The following MAPKAP1 variants were observed in gnomAD, a reference collection of about 807,000 sequenced individuals.
The protein encoded by MAPKAP1 is target of rapamycin complex 2 subunit MAPKAP1.
Under a neutral mutation model 65.7 loss-of-function variants are expected in MAPKAP1, and 20 were observed. The observed-to-expected ratio is 0.30, with a 90% CI of 0.21 to 0.44. The LOEUF is 0.44. Ranked by LOEUF, MAPKAP1 falls within the 20% of genes least tolerant of loss-of-function variation. The pLI is 1.00. For missense variants in MAPKAP1, 423 were observed against 648.0 expected (o/e 0.65, Z 3.77); for synonymous variants, 222 against 244.3 (o/e 0.91, Z 0.85).
chr9:125,553,439 G>C (rs1184233508), intron 6 of MAPKAP1, among the ~76,000 whole-genome samples: 1 of 152,116 alleles, frequency 6.6e-6, no homozygotes, highest in African/African-American at 2.4e-5. Flanking sequence ...CTACTCGGGA[G>C]GCTGAGGCAG....
intron 4 of MAPKAP1, among the ~76,000 whole-genome samples, chr9:125,646,768 CCA>C (rs1219953204): frequency 3.3e-5 from 5 of 152,172 alleles, no homozygotes; most frequent in Admixed American, 1.3e-4. Context: ...GTCAGCAAAA[CCA>C]CAGTTTTAGA....
intron 6 of MAPKAP1, among the ~76,000 whole-genome samples, chr9:125,546,040 C>T (rs1457532416): frequency 6.6e-6 from 1 of 152,224 alleles, no homozygotes; most frequent in Non-Finnish European, 1.5e-5. Flanking sequence ...GTGAACCACC[C>T]GTGAATGTTA....
chr9:125,681,291 C>T (rs1338168554), intron 1 of MAPKAP1, among the ~76,000 whole-genome samples: 1 of 152,178 alleles, frequency 6.6e-6, no homozygotes. Context: ...GCCTCAAGAG[C>T]GCTTGCAGCT....
chr9:125,657,300 CATAT>C (rs751852087), intron 4 of MAPKAP1, among the ~76,000 whole-genome samples: 4 of 151,764 alleles, frequency 2.6e-5, no homozygotes, highest in African/African-American at 7.3e-5. Context: ...CCCTTTCTCT[CATAT>C]ATATATAAAC....
At chr9:125,470,805 A>G (rs1292267419) in intron 9 of MAPKAP1, among the ~76,000 whole-genome samples, 2 of 152,234 alleles carry the variant, frequency 1.3e-5, no homozygotes, top group Admixed American at 1.3e-4. Context: ...TGTGTTCCAA[A>G]AAAGTTGCAT....
chr9:125,488,608 AG>A (rs1382436380), intron 8 of MAPKAP1, among the ~76,000 whole-genome samples: 1 of 152,178 alleles, frequency 6.6e-6, no homozygotes, highest in Non-Finnish European at 1.5e-5. Flanking sequence ...GGCCTCCCAA[AG>A]TGCTGGGATT....
intron 7 of MAPKAP1, among the ~76,000 whole-genome samples, chr9:125,522,863 A>AT (rs1048465859): frequency 2.3e-4 from 35 of 152,218 alleles, no homozygotes; most frequent in African/African-American, 8.2e-4. Context: ...CAGTGCATAT[A>AT]TGTCCTGGTT....
chr9:125,673,983 T>C (rs1309026460), intron 1 of MAPKAP1, among the ~76,000 whole-genome samples: 2 of 151,938 alleles, frequency 1.3e-5, no homozygotes, highest in African/African-American at 4.8e-5. Context: ...AACACTGTAA[T>C]AATATTTGTT....
At chr9:125,477,881 C>G (rs920530323) in intron 9 of MAPKAP1, among the ~76,000 whole-genome samples, 4 of 152,150 alleles carry the variant, frequency 2.6e-5, no homozygotes, top group Admixed American at 1.3e-4. Context: ...ATGGAAATAA[C>G]CTCAACTTGG....
chr9:125,501,247 T>C (rs1215126713), intron 8 of MAPKAP1, among the ~76,000 whole-genome samples: 1 of 152,224 alleles, frequency 6.6e-6, no homozygotes, highest in Non-Finnish European at 1.5e-5. Flanking sequence ...ATTAACATTT[T>C]CTTTCCAGTT....
chr9:125,497,435 A>G (rs1436550072), intron 8 of MAPKAP1, among the ~76,000 whole-genome samples: 2 of 152,238 alleles, frequency 1.3e-5, no homozygotes, highest in African/African-American at 4.8e-5. Flanking sequence ...GACTTAATGA[A>G]TAAAAGACAG....
rs143621846 is a variant in MAPKAP1 at position 125,545,078 on chromosome 9, G to A, written c.849-1910C>T. Among the ~76,000 whole-genome samples, 411 of 152,272 alleles carry A rather than the reference G, an allele frequency of 2.7e-3. 1 individual carries two copies. Among genetic ancestry groups the A allele is most frequent in the African/African-American group, 9.0e-3 (373 of 41,550 alleles). ...TTAACTTGGTCAAGTTCTTGCTATT[G>A]AACAGCAGGCCTGAGAACTGTCAAG... On this transcript the variant is annotated intron_variant, in intron 6 of 11. Transcript: ENST00000265960.
chr9:125,457,192 T>C (rs1853206693), intron 10 of MAPKAP1, among the ~76,000 whole-genome samples: 1 of 152,142 alleles, frequency 6.6e-6, no homozygotes, highest in African/African-American at 2.4e-5. Flanking sequence ...TTTCACCATG[T>C]TGGCCAGGCT....
chr9:125,647,233 T>A (rs1013468176), intron 4 of MAPKAP1, among the ~76,000 whole-genome samples: 2 of 152,256 alleles, frequency 1.3e-5, no homozygotes, highest in African/African-American at 4.8e-5. Context: ...GGTGTTAAAC[T>A]TCAGTTTAAC....
intron 4 of MAPKAP1, among the ~76,000 whole-genome samples, chr9:125,611,259 C>CT (rs1832593020): frequency 1.3e-5 from 2 of 152,002 alleles, no homozygotes; most frequent in Non-Finnish European, 2.9e-5. Flanking sequence ...TTTACAAGAT[C>CT]AAAATCAGAC....
intron 5 of MAPKAP1, among the ~76,000 whole-genome samples, chr9:125,563,774 T>C (rs1053347508): frequency 6.6e-6 from 1 of 152,112 alleles, no homozygotes; most frequent in Non-Finnish European, 1.5e-5. Flanking sequence ...TAGAGTGCAA[T>C]GGCACGATCT....
At chr9:125,484,973 G>T (rs2133038670) in intron 8 of MAPKAP1, among the ~76,000 whole-genome samples, 1 of 152,078 alleles carries the variant, frequency 6.6e-6, no homozygotes, top group South Asian at 2.1e-4. Flanking sequence ...CACATTCCTT[G>T]AAGAATCTCT....
intron 5 of MAPKAP1, among the ~76,000 whole-genome samples, chr9:125,564,240 C>A (rs1385754933): frequency 6.6e-6 from 1 of 152,120 alleles, no homozygotes; most frequent in African/African-American, 2.4e-5. Flanking sequence ...ACTGGCATCT[C>A]ACTTTTTATG....
At position 125,466,794 on chromosome 9, in the gene MAPKAP1, C is replaced by T. The variant is rs988633202; in HGVS notation, c.1345+1178G>A. 3.9e-5 allele frequency among the ~76,000 whole-genome samples: 6 copies of T among 152,168 alleles called. No homozygotes were observed. In the South Asian group the frequency reaches 1.2e-3, roughly 32 times the overall value. ...GTCCCCCTAAGTTCTCCCTTTTTGC[C>T]AAGCTGTAGGCGAATGAGCTGAACA... On this transcript the variant is annotated intron_variant, in intron 10 of 11. Transcript: ENST00000265960.
Sources: allele counts gnomAD v4.1 joint callset (sites outside exome capture counted in the v4.1 genomes callset), GRCh38; gene constraint gnomAD v4.1.1; transcripts MANE v1.5; gene names NCBI Gene and HGNC (gene_info 2026-07-23, HGNC 2026-07-21).